TRIP4: variants seen among roughly 807,000 people sequenced by gnomAD.
The protein encoded by TRIP4 is activating signal cointegrator 1.
TRIP4 carries 54 observed loss-of-function variants against 81.8 expected under a neutral mutation model. The ratio of observed to expected loss-of-function variants is 0.66; its 90% CI spans 0.53 to 0.83. TRIP4 has a LOEUF of 0.83. TRIP4 is among the 40% of genes least tolerant of loss of function. TRIP4 has a pLI of 0.00. For synonymous variants in TRIP4, 270 were observed against 242.8 expected (o/e 1.11, Z -1.04); for missense variants, 662 against 683.6 (o/e 0.97, Z 0.35).
chr15:64,433,640 T>A (rs1892325828), intron 11 of TRIP4, among the ~76,000 whole-genome samples: 1 of 152,104 alleles, frequency 6.6e-6, no homozygotes, highest in Non-Finnish European at 1.5e-5. Context: ...TAATGTCAGT[T>A]AATGGTAGAG....
chr15:64,433,417 A>G (rs1566982257), intron 11 of TRIP4, among the ~76,000 whole-genome samples: 1 of 152,240 alleles, frequency 6.6e-6, no homozygotes, highest in African/African-American at 2.4e-5. Context: ...CCTGGTCAAC[A>G]TAATGAAACC....
chr15:64,415,820 T>C (rs1010183380), intron 8 of TRIP4, among the ~76,000 whole-genome samples: 4 of 152,160 alleles, frequency 2.6e-5, no homozygotes, highest in African/African-American at 9.7e-5. Context: ...TCATGAAAGA[T>C]TTTTTGTCTT....
At chr15:64,444,131 G>C (rs753983799) in intron 11 of TRIP4, among the ~76,000 whole-genome samples, 4 of 152,154 alleles carry the variant, frequency 2.6e-5, no homozygotes, top group Non-Finnish European at 4.4e-5. Context: ...GAAAATACAG[G>C]TAATTTCATA....
intron 12 of TRIP4, among the ~76,000 whole-genome samples, chr15:64,449,451 G>A (rs997029079): frequency 6.6e-6 from 1 of 151,670 alleles, no homozygotes; most frequent in Admixed American, 6.6e-5. Flanking sequence ...CTTCCTGCCT[G>A]AGCCTCCCAA....
chr15:64,423,911 G>A (rs1213357686), intron 9 of TRIP4, 120 bp from the exon 10 acceptor site: 8 of 1,141,974 alleles, frequency 7.0e-6, no homozygotes, highest in Non-Finnish European at 1.0e-5. Flanking sequence ...TCTTGAGAAG[G>A]CATCATCTAT....
intron 1 of TRIP4, among the ~76,000 whole-genome samples, chr15:64,389,676 T>C (rs913186818): frequency 4.6e-5 from 7 of 151,780 alleles, no homozygotes; most frequent in African/African-American, 1.7e-4. Flanking sequence ...AACAGAAAAG[T>C]GTTTTTTACG....
At chr15:64,426,352 A>G (rs899558434) in intron 11 of TRIP4, among the ~76,000 whole-genome samples, 1 of 152,164 alleles carries the variant, frequency 6.6e-6, no homozygotes, top group East Asian at 1.9e-4. Context: ...GAATGTACAT[A>G]TGTATGAATG....
chr15:64,437,268 A>AC (rs901944830), intron 11 of TRIP4, among the ~76,000 whole-genome samples: 1 of 149,962 alleles, frequency 6.7e-6, no homozygotes, highest in Admixed American at 6.6e-5. Flanking sequence ...AAGATTAAAA[A>AC]AAAAATTAGC....
chr15:64,445,119 A>T lies in TRIP4; in HGVS notation c.1678+11A>T. 1.3e-6 allele frequency: 2 copies of T among 1,521,102 alleles called. No homozygotes were observed. The highest frequency in any genetic ancestry group is 3.5e-4 in the Middle Eastern group (2 of 5,682). The allele number at this position is 1,521,102 out of a possible 1,614,324, so 94.2% of individuals were successfully genotyped here. A position where few individuals can be genotyped will look rare whatever the true frequency, so the allele number is the denominator to read the frequency against. Reference sequence around the variant, plus strand: ...GAAATCCAAAAATCTGTAAGTCATGATTTTTTTTCTTTAAGACTAGTCAAG... The same window carrying T: ...GAAATCCAAAAATCTGTAAGTCATGTTTTTTTTTCTTTAAGACTAGTCAAG... On this transcript the variant is annotated intron_variant, in intron 12 of 12. Transcript: ENST00000261884.
chr15:64,392,933 G>C (rs1157196026), intron 1 of TRIP4, among the ~76,000 whole-genome samples: 1 of 151,902 alleles, frequency 6.6e-6, no homozygotes, highest in Non-Finnish European at 1.5e-5. Context: ...CTCTTAGTGA[G>C]GCCCAAAGGC....
intron 11 of TRIP4, among the ~76,000 whole-genome samples, chr15:64,431,877 C>CTTTTTTTTTTTTTTT (rs1199638489): frequency 1.9e-5 from 1 of 52,508 alleles, no homozygotes; most frequent in African/African-American, 7.0e-5. Context: ...ATTGTGTTTT[C>CTTTTTTTTTTTTTTT]TTTTTTTTTT....
At chr15:64,446,651 C>G (rs144649954) in intron 12 of TRIP4, among the ~76,000 whole-genome samples, 3,006 of 151,626 alleles carry the variant, frequency 0.02, 106 homozygotes, top group African/African-American at 0.069. Context: ...ATCCGCCTGC[C>G]TTGGCCTCCC....
At chr15:64,450,677 A>G (rs1343409861) in intron 12 of TRIP4, 2 of 456,040 alleles carry the variant, frequency 4.4e-6, no homozygotes, top group Non-Finnish European at 4.4e-6. Context: ...AGCCTAGAGG[A>G]TGAAAGAACG....
intron 11 of TRIP4, among the ~76,000 whole-genome samples, chr15:64,439,507 T>A (rs1466726081): frequency 6.9e-6 from 1 of 144,368 alleles, no homozygotes; most frequent in African/African-American, 2.6e-5. Flanking sequence ...TAACAACTTA[T>A]AAATCTTTTT....
At chr15:64,396,299 C>T (rs1297293257) in intron 3 of TRIP4, among the ~76,000 whole-genome samples, 3 of 89,976 alleles carry the variant, frequency 3.3e-5, no homozygotes, top group Admixed American at 1.8e-4. Flanking sequence ...TTTTTTGAGA[C>T]GGAGTCTTGC....
chr15:64,441,929 A>C (rs1366187044), intron 11 of TRIP4, among the ~76,000 whole-genome samples: 1 of 152,186 alleles, frequency 6.6e-6, no homozygotes, highest in Non-Finnish European at 1.5e-5. Flanking sequence ...GAGAGGGAAG[A>C]AGCCATGGAA....
chr15:64,449,440 T>G (rs1329294337), intron 12 of TRIP4, among the ~76,000 whole-genome samples: 5 of 151,838 alleles, frequency 3.3e-5, no homozygotes, highest in Non-Finnish European at 7.4e-5. Context: ...GCTCAAGAGA[T>G]CTTCCTGCCT....
At chr15:64,450,393 G>GA (rs1005400086) in intron 12 of TRIP4, among the ~76,000 whole-genome samples, 4,478 of 46,986 alleles carry the variant, frequency 0.095, 264 homozygotes, top group African/African-American at 0.24. Flanking sequence ...CGTCTCAAAA[G>GA]AAAAAAAAAA....
intron 11 of TRIP4, among the ~76,000 whole-genome samples, chr15:64,439,280 T>C (rs923850024): frequency 7.2e-5 from 11 of 152,150 alleles, no homozygotes; most frequent in African/African-American, 2.7e-4. Flanking sequence ...TCCTTGGATC[T>C]GTTCTTGCAC....
Sources: allele counts gnomAD v4.1 joint callset (sites outside exome capture counted in the v4.1 genomes callset), GRCh38; gene constraint gnomAD v4.1.1; transcripts MANE v1.5; gene names NCBI Gene and HGNC (gene_info 2026-07-23, HGNC 2026-07-21).